The following CNTLN variants were observed in gnomAD, a reference collection of about 807,000 sequenced individuals.
CNTLN encodes centlein.
In CNTLN, 212 loss-of-function variants were observed where a neutral mutation model predicts 180.0. The observed-to-expected ratio is 1.18, with a 90% CI of 1.05 to 1.32. CNTLN has a LOEUF of 1.32. Ranked by LOEUF, CNTLN falls within the 40% of genes most tolerant of loss-of-function variation. The pLI is 0.00. For missense variants in CNTLN, 2,095 were observed against 1,610.9 expected (o/e 1.30, Z -5.14); for synonymous variants, 722 against 563.1 (o/e 1.28, Z -3.99).
rs149352757 is a variant in CNTLN, at chr9:17,215,654, A to C, written c.450-10549A>C. On this transcript the variant is annotated intron_variant, in intron 2 of 25. Transcript: ENST00000380647. The stretch of plus-strand genomic sequence containing the variant: ...GGCTATGCCCTGCCCCCAGGGGTGG[A>C]GTCTGTGGAGGCTGGCAGGCCTCCT... Among the ~76,000 whole-genome samples, 1,085 of 152,048 alleles carry C rather than the reference A, an allele frequency of 7.1e-3. 7 individuals are homozygous for C. Among genetic ancestry groups the C allele is most frequent in the Admixed American group, 8.4e-3 (129 of 15,270 alleles).
At chr9:17,192,005 A>G (rs1262972293) in intron 2 of CNTLN, among the ~76,000 whole-genome samples, 1 of 152,100 alleles carries the variant, frequency 6.6e-6, no homozygotes. Flanking sequence ...CTCAAAAATG[A>G]TTTTTTAGAA....
chr9:17,248,387 T>G (rs1825930551), intron 5 of CNTLN, among the ~76,000 whole-genome samples: 1 of 151,976 alleles, frequency 6.6e-6, no homozygotes, highest in African/African-American at 2.4e-5. Context: ...TTGGGAGATT[T>G]TGATAACTGA....
chr9:17,222,115 T>TA (rs949973989), intron 2 of CNTLN, among the ~76,000 whole-genome samples: 20 of 151,850 alleles, frequency 1.3e-4, no homozygotes, highest in African/African-American at 2.9e-4. Context: ...CTCCCATGTT[T>TA]AAAAAAAACA....
intron 19 of CNTLN, among the ~76,000 whole-genome samples, chr9:17,462,234 C>T (rs971829131): frequency 6.6e-6 from 1 of 151,612 alleles, no homozygotes; most frequent in African/African-American, 2.4e-5. Flanking sequence ...CAAAGATTTC[C>T]CTAGTTGGAA....
chr9:17,244,681 A>G (rs1825699889), intron 5 of CNTLN, among the ~76,000 whole-genome samples: 1 of 151,774 alleles, frequency 6.6e-6, no homozygotes, highest in African/African-American at 2.4e-5. Context: ...GCCATTTATT[A>G]TTTGCTTCCT....
At chr9:17,255,401 G>T (rs986102250) in intron 5 of CNTLN, among the ~76,000 whole-genome samples, 1 of 151,832 alleles carries the variant, frequency 6.6e-6, no homozygotes, top group African/African-American at 2.4e-5. Flanking sequence ...TCATGAAAGG[G>T]TGTTCAATCT....
intron 19 of CNTLN, 96 bp downstream of exon 19, chr9:17,457,811 A>T: frequency 2.5e-6 from 2 of 795,154 alleles, no homozygotes; most frequent in Non-Finnish European, 1.7e-6. Flanking sequence ...ATAAAGGTAA[A>T]TTATGTTATA....
chr9:17,435,825 A>G (rs914514704), intron 18 of CNTLN, among the ~76,000 whole-genome samples: 2 of 152,132 alleles, frequency 1.3e-5, no homozygotes, highest in African/African-American at 4.8e-5. Flanking sequence ...GGCCTCCCCA[A>G]GTGCTAGGAT....
At chr9:17,507,899 C>CTTG (rs1833961236), downstream of CNTLN, among the ~76,000 whole-genome samples, 1 of 152,176 alleles carries the variant, frequency 6.6e-6, no homozygotes, top group Non-Finnish European at 1.5e-5. Context: ...TTGCCACATT[C>CTTG]AACTTTCCTT....
intron 12 of CNTLN, among the ~76,000 whole-genome samples, chr9:17,346,023 C>T (rs976998591): frequency 2.6e-5 from 4 of 152,042 alleles, no homozygotes; most frequent in Admixed American, 2.6e-4. Flanking sequence ...ATTCTGTTTT[C>T]ACAGTATAAA....
chr9:17,415,515 T>G (rs1188678995), intron 16 of CNTLN, among the ~76,000 whole-genome samples: 1 of 152,186 alleles, frequency 6.6e-6, no homozygotes, highest in East Asian at 1.9e-4. Context: ...TAAGTTCATT[T>G]GTAAGTTCTT....
the CNTLN span, among the ~76,000 whole-genome samples, chr9:17,510,109 T>G: frequency 4.6e-5 from 7 of 152,120 alleles, no homozygotes; most frequent in Non-Finnish European, 1.0e-4. Context: ...AATGAAAAAC[T>G]ACCACAACCC....
Position 17,202,646 on chromosome 9 carries a change from G to GTTTTTTTTTTT in CNTLN, c.450-23543_450-23533dup, listed in dbSNP as rs57960408. ...ATCAGAGCCTAGGATTGCAACCTCT[G>GTTTTTTTTTTT]TTTTTTTTTTTTTTTTTTTTTTTTG... On this transcript the variant is annotated intron_variant, in intron 2 of 25. Coordinates refer to ENST00000380647, the MANE Select transcript of CNTLN (RefSeq NM_017738.4). Among the ~76,000 whole-genome samples the GTTTTTTTTTTT allele has an allele frequency of 9.4e-4, 67 of 71,448 alleles. 2 individuals are homozygous for GTTTTTTTTTTT. Among genetic ancestry groups the GTTTTTTTTTTT allele is most frequent in the East Asian group, 5.4e-3 (10 of 1,860 alleles). 46.9% of individuals were successfully genotyped at this position (71,448 alleles called of 152,430 possible).
In CNTLN at chr9:17,340,774, T is replaced by G. The variant is rs1295260201; in HGVS notation, c.1645-53T>G. On this transcript the variant is annotated intron_variant, in intron 10 of 25. Coordinates refer to ENST00000380647, the MANE Select transcript of CNTLN (RefSeq NM_017738.4). ...ATGGGTAACCTTTTATTTGAAACAT[T>G]ATATTAATACTTTCTTCAAACTTAT... The G allele has an allele frequency of 2.1e-6, 3 of 1,452,972 alleles. No individual in the cohort carries two copies. The African/African-American group carries it at 4.9e-5, about 24-fold the overall frequency. 90.0% of individuals were successfully genotyped at this position (1,452,972 alleles called of 1,614,324 possible). A position where few individuals can be genotyped will look rare whatever the true frequency, so the allele number is the denominator to read the frequency against.
rs186554609 is a variant in CNTLN, at chr9:17,311,480, C to T, written c.1341+2228C>T. Reference sequence around the variant, plus strand: ...TTTTTTTTTTTTTAAGGCAGAAGATCCCAATCAAACTCCCAGGAGGCTTTT... The same window carrying T: ...TTTTTTTTTTTTTAAGGCAGAAGATTCCAATCAAACTCCCAGGAGGCTTTT... On this transcript the variant is annotated intron_variant, in intron 8 of 25. Coordinates refer to ENST00000380647, the MANE Select transcript of CNTLN (RefSeq NM_017738.4). Among the ~76,000 whole-genome samples the T allele has an allele frequency of 5.3e-3, 767 of 145,868 alleles. 5 individuals are homozygous for T. The highest frequency in any genetic ancestry group is 8.2e-3 in the Admixed American group (120 of 14,570).
chr9:17,374,630 T>C (rs1159083440), intron 13 of CNTLN, among the ~76,000 whole-genome samples: 1 of 151,890 alleles, frequency 6.6e-6, no homozygotes, highest in Non-Finnish European at 1.5e-5. Context: ...GAGGCTGAGG[T>C]GGGTGGATCG....
chr9:17,288,006 C>T lies in CNTLN; in HGVS notation c.984-10184C>T, dbSNP rs1829100861. Among the ~76,000 whole-genome samples the T allele has an allele frequency of 2.2e-5, 3 of 138,274 alleles. 1 individual carries two copies. Among genetic ancestry groups the T allele is most frequent in the African/African-American group, 9.1e-5 (3 of 33,062 alleles). The allele number at this position is 138,274 out of a possible 152,430, so 90.7% of individuals were successfully genotyped here. On this transcript the variant is annotated intron_variant, in intron 6 of 25. Coordinates refer to ENST00000380647, the MANE Select transcript of CNTLN (RefSeq NM_017738.4). ...GAAGGGTTTTTTGTGTCTCTGTTTC[C>T]TTCAGTTCTGCTCTGATGTTAGTTA... is the stretch of plus-strand genomic sequence containing the variant.
At chr9:17,232,509 C>T (rs1410750359) in intron 3 of CNTLN, among the ~76,000 whole-genome samples, 3 of 151,832 alleles carry the variant, frequency 2.0e-5, no homozygotes, top group African/African-American at 4.8e-5. Flanking sequence ...AATGGGAAAA[C>T]TCTTTTAAAA....
rs73426167 is a variant in CNTLN, at chr9:17,384,205, A to G, written c.1988-3957A>G. Reference sequence around the variant, plus strand: ...TTCATCCAGCGAGCTAATAGGATCGAGTTCATCAAGTCCCCAGCTTAAAGA... The same window carrying G: ...TTCATCCAGCGAGCTAATAGGATCGGGTTCATCAAGTCCCCAGCTTAAAGA... On this transcript the variant is annotated intron_variant, in intron 13 of 25. Transcript: ENST00000380647. 7.7e-3 allele frequency among the ~76,000 whole-genome samples: 1,166 copies of G among 151,868 alleles called. 17 individuals are homozygous for G. Among genetic ancestry groups the G allele is most frequent in the African/African-American group, 0.027 (1,104 of 41,466 alleles).
Sources: gnomAD v4.1 joint callset for allele counts (sites outside exome capture counted in the v4.1 genomes callset) on GRCh38, gnomAD v4.1.1 for gene constraint, MANE v1.5 for transcripts, NCBI Gene and HGNC (gene_info 2026-07-23, HGNC 2026-07-21) for gene names.